Variants in ERC1 observed in about 807,000 individuals in gnomAD.
ERC1 encodes the protein ELKS/RAB6-interacting/CAST family member 1, also known as RAB6 interacting protein 2.
Under a neutral mutation model 132.0 loss-of-function variants are expected in ERC1, and 56 were observed. That is an observed-to-expected ratio of 0.42 (90% CI 0.34 to 0.53). The LOEUF (loss-of-function observed/expected upper bound fraction) is 0.53, where lower values mean the gene tolerates loss of function less well. Among genes scored for constraint, ERC1 ranks in the 20% least tolerant of loss-of-function variants. The pLI, the probability that ERC1 is intolerant of heterozygous loss-of-function variation, is 0.03. For missense variants in ERC1, 1,202 were observed against 1,349.9 expected (o/e 0.89, Z 1.72); for synonymous variants, 478 against 476.1 (o/e 1.00, Z -0.05).
rs564586080 is a variant in ERC1 at position 1,055,534 on chromosome 12, T to C, written c.669+26962T>C. Among the ~76,000 whole-genome samples the C allele has an allele frequency of 2.2e-4, 34 of 152,330 alleles. 1 individual carries two copies. The South Asian group carries it at 6.6e-3, about 30-fold the overall frequency. ...GATATATAGGCTTACACAATTAGTATATCTTAAATTATGTAATGAATTTCC... is the reference window on the plus strand; with the variant it reads ...GATATATAGGCTTACACAATTAGTACATCTTAAATTATGTAATGAATTTCC... On this transcript the variant is annotated intron_variant, in intron 2 of 18. Coordinates refer to ENST00000360905, the MANE Select transcript of ERC1 (RefSeq NM_178040.4).
intron 12 of ERC1, among the ~76,000 whole-genome samples, chr12:1,221,373 T>C (rs1487797133): frequency 3.3e-5 from 5 of 152,150 alleles, no homozygotes; most frequent in Admixed American, 2.6e-4. Context: ...AAGAAATTAG[T>C]GTAGTAGTGA....
intron 7 of ERC1, among the ~76,000 whole-genome samples, chr12:1,128,752 G>GA (rs1370298207): frequency 1.7e-4 from 26 of 151,798 alleles, no homozygotes; most frequent in African/African-American, 4.8e-4. Context: ...AAAACGCGAG[G>GA]AAAAAAACAA....
intron 16 of ERC1, among the ~76,000 whole-genome samples, chr12:1,374,072 C>G (rs1480773042): frequency 1.3e-5 from 2 of 152,168 alleles, no homozygotes; most frequent in African/African-American, 4.8e-5. Context: ...TTAATTCCTC[C>G]AAGAGTGTGT....
intron 5 of ERC1, 113 bp downstream of exon 5, chr12:1,110,460 G>A: frequency 2.4e-6 from 2 of 845,368 alleles, no homozygotes; most frequent in Admixed American, 3.1e-5. Flanking sequence ...TCAGGTTTCA[G>A]GGAAGAATAC....
chr12:1,488,679 A>G (rs1321963037), intron 18 of ERC1, among the ~76,000 whole-genome samples: 3 of 152,218 alleles, frequency 2.0e-5, no homozygotes, highest in Non-Finnish European at 2.9e-5. Flanking sequence ...CTATGTTCTT[A>G]ACTAGACTTT....
At chr12:1,064,210 GT>G (rs1297011011) in intron 2 of ERC1, among the ~76,000 whole-genome samples, 1 of 147,258 alleles carries the variant, frequency 6.8e-6, no homozygotes, top group Non-Finnish European at 1.5e-5. Context: ...TTCTCTTGCT[GT>G]TTAAAAAACT....
At chr12:1,109,023 C>T in intron 4 of ERC1, among the ~76,000 whole-genome samples, 1 of 152,120 alleles carries the variant, frequency 6.6e-6, no homozygotes, top group Non-Finnish European at 1.5e-5. Flanking sequence ...ATCTAAAACT[C>T]CAAGTGAAAT....
In ERC1 at chr12:1,284,664, G is replaced by GT. The variant is rs1166448052; in HGVS notation, c.2620-5181dup. 5.3e-5 allele frequency among the ~76,000 whole-genome samples: 8 copies of GT among 152,182 alleles called. No individual in the cohort carries two copies. The East Asian group carries it at 7.7e-4, about 15-fold the overall frequency. The stretch of plus-strand genomic sequence containing the variant: ...GGATGAGATAGTATCTCATTGTGGG[G>GT]TTTTTTTAGGAGTGGTTTGAGGGAG... On this transcript the variant is annotated intron_variant, in intron 14 of 18. Coordinates refer to ENST00000360905, the MANE Select transcript of ERC1 (RefSeq NM_178040.4).
intron 15 of ERC1, among the ~76,000 whole-genome samples, chr12:1,343,885 AG>A (rs1264053846): frequency 1.3e-5 from 2 of 151,896 alleles, no homozygotes; most frequent in Non-Finnish European, 2.9e-5. Flanking sequence ...TCTGTCACCC[AG>A]GCTGGAGTGC....
At chr12:1,342,459 ACT>A (rs1373666959) in intron 15 of ERC1, among the ~76,000 whole-genome samples, 2 of 140,648 alleles carry the variant, frequency 1.4e-5, no homozygotes, top group East Asian at 4.0e-4. Context: ...AAAGAGCGAA[ACT>A]CTGTCTCAAA....
chr12:1,280,491 C>T (rs2078605715), intron 14 of ERC1, among the ~76,000 whole-genome samples: 1 of 152,172 alleles, frequency 6.6e-6, no homozygotes, highest in Admixed American at 6.5e-5. Context: ...AGTCAAGTGA[C>T]GTGGATTCTA....
chr12:1,121,829 CTATCTCTATCTATCTCTATCT>C (rs1947274624), intron 7 of ERC1, among the ~76,000 whole-genome samples: 1 of 19,362 alleles, frequency 5.2e-5, no homozygotes, highest in Non-Finnish European at 1.4e-4. Context: ...ATCTGTGTCT[CTATCTCTATCTATCTCTATCT>C]CTATCTCTAT....
intron 12 of ERC1, among the ~76,000 whole-genome samples, chr12:1,226,341 A>T (rs1231579404): frequency 6.6e-6 from 1 of 152,244 alleles, no homozygotes; most frequent in African/African-American, 2.4e-5. Context: ...ACATGATCTG[A>T]TACATGTATA....
chr12:1,180,419 A>G, intron 8 of ERC1, 121 bp from the exon 9 acceptor site: 1 of 799,828 alleles, frequency 1.3e-6, no homozygotes, highest in South Asian at 2.0e-5. Flanking sequence ...AATGATTTCT[A>G]CAGAATGCAC....
At chr12:1,396,946 CTGGGAAGGAG>C (rs2090593801) in intron 16 of ERC1, among the ~76,000 whole-genome samples, 1 of 152,192 alleles carries the variant, frequency 6.6e-6, no homozygotes, top group African/African-American at 2.4e-5. Context: ...TGCCCTGACT[CTGGGAAGGAG>C]CCCAGAGTCA....
chr12:1,469,699 C>T (rs774383552), intron 18 of ERC1, among the ~76,000 whole-genome samples: 33 of 152,236 alleles, frequency 2.2e-4, no homozygotes, highest in Admixed American at 2.0e-3. Flanking sequence ...TCTCACCCTT[C>T]TTCACCTAAG....
At chr12:1,381,460 A>G (rs948690810) in intron 16 of ERC1, among the ~76,000 whole-genome samples, 1 of 152,048 alleles carries the variant, frequency 6.6e-6, no homozygotes, top group Non-Finnish European at 1.5e-5. Context: ...TGACCTCCCA[A>G]AGTGCTGAGA....
intron 1 of ERC1, among the ~76,000 whole-genome samples, chr12:1,019,779 C>T (rs903584138): frequency 6.6e-6 from 1 of 152,076 alleles, no homozygotes; most frequent in Admixed American, 6.6e-5. Context: ...GTGGAACTAT[C>T]GTGGCTCGCT....
chr12:1,107,679 A>G (rs1945410150), intron 4 of ERC1, among the ~76,000 whole-genome samples: 1 of 152,186 alleles, frequency 6.6e-6, no homozygotes, highest in Non-Finnish European at 1.5e-5. Flanking sequence ...CCAGGTGCCA[A>G]AGACTTCCAA....
Sources: gnomAD v4.1 joint callset for allele counts (sites outside exome capture counted in the v4.1 genomes callset) on GRCh38, gnomAD v4.1.1 for gene constraint, MANE v1.5 for transcripts, NCBI Gene and HGNC (gene_info 2026-07-23, HGNC 2026-07-21) for gene names.